Variants in HYAL4 observed in about 807,000 individuals in gnomAD.
HYAL4 encodes the protein hyaluronidase-4.
HYAL4 carries 37 observed loss-of-function variants against 35.2 expected under a neutral mutation model. The observed-to-expected ratio is 1.05, with a 90% CI of 0.81 to 1.38. The LOEUF is 1.38. Ranked by LOEUF, HYAL4 falls within the 40% of genes most tolerant of loss-of-function variation. The pLI, the probability that HYAL4 is intolerant of heterozygous loss-of-function variation, is 0.00. For missense variants in HYAL4, 572 were observed against 572.4 expected (o/e 1.00, Z 0.01); for synonymous variants, 198 against 203.2 (o/e 0.97, Z 0.22).
the HYAL4 span, among the ~76,000 whole-genome samples, chr7:123,772,469 A>G: frequency 6.6e-6 from 1 of 152,222 alleles, no homozygotes; most frequent in Non-Finnish European, 1.5e-5. Context: ...GGGACTTGTC[A>G]TCTGAGAGGC....
At chr7:123,859,038 T>C (rs1318356355) in intron 2 of HYAL4, among the ~76,000 whole-genome samples, 1 of 151,986 alleles carries the variant, frequency 6.6e-6, no homozygotes, top group Non-Finnish European at 1.5e-5. Flanking sequence ...GAATAAAAAA[T>C]AAGGTCAGAA....
the HYAL4 span, among the ~76,000 whole-genome samples, chr7:123,804,961 G>C: frequency 1.3e-5 from 2 of 152,108 alleles, no homozygotes; most frequent in African/African-American, 4.8e-5. Context: ...GTGGAGGTGG[G>C]GTCTCCTAAG....
the HYAL4 span, among the ~76,000 whole-genome samples, chr7:123,797,126 A>G: frequency 1.3e-5 from 2 of 152,212 alleles, no homozygotes; most frequent in Admixed American, 6.5e-5. Context: ...TATGGGGGCA[A>G]AGTCAGGTAA....
the HYAL4 span, among the ~76,000 whole-genome samples, chr7:123,816,384 C>T: frequency 6.6e-6 from 1 of 152,094 alleles, no homozygotes; most frequent in Non-Finnish European, 1.5e-5. Flanking sequence ...ATTTTACTAT[C>T]TTAAATCCTT....
upstream of HYAL4, among the ~76,000 whole-genome samples, chr7:123,844,048 G>A (rs531397545): frequency 6.6e-6 from 1 of 152,106 alleles, no homozygotes; most frequent in South Asian, 2.1e-4. Context: ...TGCTGGTGAG[G>A]AGCTGCGATC....
At chr7:123,797,773 G>A in the HYAL4 span, among the ~76,000 whole-genome samples, 3 of 151,994 alleles carry the variant, frequency 2.0e-5, no homozygotes, top group Admixed American at 6.6e-5. Flanking sequence ...GCTTTAACTC[G>A]CCTGGAATTC....
the HYAL4 span, among the ~76,000 whole-genome samples, chr7:123,766,108 A>G: frequency 1.3e-3 from 194 of 152,200 alleles, no homozygotes; most frequent in African/African-American, 4.5e-3. Flanking sequence ...TCCTATTCCT[A>G]TAATTCCTAA....
At chr7:123,867,062 G>C (rs896299212) in intron 2 of HYAL4, among the ~76,000 whole-genome samples, 3 of 152,124 alleles carry the variant, frequency 2.0e-5, no homozygotes, top group East Asian at 1.9e-4. Context: ...TGGGATTATA[G>C]GCGTGAGCCA....
chr7:123,876,629 A>G (rs924425258), intron 4 of HYAL4, 125 bp from the exon 5 acceptor site: 2 of 1,027,702 alleles, frequency 1.9e-6, no homozygotes, highest in South Asian at 1.7e-5. Context: ...TGTTTTAATC[A>G]AGACCAAAGA....
chr7:123,794,524 A>G, the HYAL4 span, among the ~76,000 whole-genome samples: 4 of 152,196 alleles, frequency 2.6e-5, no homozygotes, highest in Non-Finnish European at 5.9e-5. Context: ...GCCTTGAGAC[A>G]TGGTACCCTG....
chr7:123,870,654 C>T (rs770604032), intron 3 of HYAL4, among the ~76,000 whole-genome samples: 3 of 151,112 alleles, frequency 2.0e-5, no homozygotes, highest in East Asian at 3.9e-4. Flanking sequence ...CCCAGCTACT[C>T]AGGAGTCTGA....
At chr7:123,862,961 T>C (rs762226376) in intron 2 of HYAL4, among the ~76,000 whole-genome samples, 1 of 152,198 alleles carries the variant, frequency 6.6e-6, no homozygotes, top group Non-Finnish European at 1.5e-5. Context: ...CACTGACCTC[T>C]TCAAAGGTCT....
intron 3 of HYAL4, among the ~76,000 whole-genome samples, chr7:123,871,057 C>G (rs1321978233): frequency 6.6e-6 from 1 of 152,096 alleles, no homozygotes; most frequent in Non-Finnish European, 1.5e-5. Flanking sequence ...TTTCTTTCCT[C>G]AGGAAAAAAG....
intron 1 of HYAL4, among the ~76,000 whole-genome samples, chr7:123,837,397 T>A (rs1009324347): frequency 3.3e-5 from 5 of 152,152 alleles, no homozygotes; most frequent in African/African-American, 1.2e-4. Context: ...AAATGCCATT[T>A]TAGTCTGAGC....
chr7:123,844,477 A>G (rs1471811417), upstream of HYAL4: 1 of 152,210 alleles, frequency 6.6e-6, no homozygotes, highest in Non-Finnish European at 1.5e-5. Context: ...CAGATAGGCT[A>G]CACGGGCATC....
chr7:123,870,902 T>A (rs974703809), intron 3 of HYAL4, among the ~76,000 whole-genome samples: 5 of 152,210 alleles, frequency 3.3e-5, no homozygotes, highest in Non-Finnish European at 7.3e-5. Flanking sequence ...TCTTTAGTGA[T>A]AATAAATTGA....
chr7:123,768,756 T>C, the HYAL4 span, among the ~76,000 whole-genome samples: 2 of 152,210 alleles, frequency 1.3e-5, no homozygotes, highest in African/African-American at 4.8e-5. Context: ...TCCCTGAATT[T>C]TGAGTTTCAA....
intron 2 of HYAL4, among the ~76,000 whole-genome samples, chr7:123,861,483 G>C (rs1806574625): frequency 6.6e-6 from 1 of 152,132 alleles, no homozygotes. Context: ...CAAGAAATCT[G>C]TTGATCTTGG....
chr7:123,873,663 A>T (rs1274394339), intron 3 of HYAL4, among the ~76,000 whole-genome samples: 1 of 152,228 alleles, frequency 6.6e-6, no homozygotes, highest in East Asian at 1.9e-4. Flanking sequence ...AATGTGTTGT[A>T]ATTTAATAAA....
Sources: gnomAD v4.1 joint callset for allele counts (sites outside exome capture counted in the v4.1 genomes callset) on GRCh38, gnomAD v4.1.1 for gene constraint, MANE v1.5 for transcripts, NCBI Gene and HGNC (gene_info 2026-07-23, HGNC 2026-07-21) for gene names.